The following PACRG variants were observed in gnomAD, a reference collection of about 807,000 sequenced individuals.
PACRG encodes parkin coregulated, also known as parkin coregulated gene protein.
In PACRG, 29 loss-of-function variants were observed where a neutral mutation model predicts 29.7. The ratio of observed to expected loss-of-function variants is 0.98; its 90% CI spans 0.73 to 1.33. PACRG has a LOEUF of 1.33. Among genes scored for constraint, PACRG ranks in the 40% most tolerant of loss-of-function variants. The pLI is 0.00. For missense variants in PACRG, 279 were observed against 316.2 expected (o/e 0.88, Z 0.89); for synonymous variants, 116 against 118.7 (o/e 0.98, Z 0.15).
At chr6:163,090,934 C>A (rs142169700) in intron 4 of PACRG, among the ~76,000 whole-genome samples, 1 of 152,190 alleles carries the variant, frequency 6.6e-6, no homozygotes, top group Non-Finnish European at 1.5e-5. Context: ...TGTACTATTA[C>A]TATTTCCATT....
At chr6:163,075,463 G>C (rs1376677136) in intron 3 of PACRG, among the ~76,000 whole-genome samples, 2 of 151,868 alleles carry the variant, frequency 1.3e-5, no homozygotes, top group Admixed American at 1.3e-4. Context: ...GAAACTTCCA[G>C]GACAATCTCA....
chr6:163,163,264 TTTG>T (rs746568590), intron 4 of PACRG, among the ~76,000 whole-genome samples: 7 of 152,232 alleles, frequency 4.6e-5, no homozygotes, highest in South Asian at 4.1e-4. Context: ...TTTGTTGTTT[TTTG>T]TTGTTGTTGT....
intron 1 of PACRG, among the ~76,000 whole-genome samples, chr6:162,758,477 C>T (rs73783798): frequency 0.022 from 3,283 of 152,268 alleles, 126 homozygotes; most frequent in African/African-American, 0.075. Flanking sequence ...GTTCCATCTT[C>T]AACCAGTTGC....
chr6:163,263,929 T>G (rs1783431641), intron 4 of PACRG, among the ~76,000 whole-genome samples: 1 of 152,202 alleles, frequency 6.6e-6, no homozygotes. Flanking sequence ...ACCATTTTTG[T>G]GCTTTTTTGT....
At chr6:162,914,266 C>T (rs1796527296) in intron 2 of PACRG, among the ~76,000 whole-genome samples, 1 of 151,878 alleles carries the variant, frequency 6.6e-6, no homozygotes, top group African/African-American at 2.4e-5. Context: ...TATTTTTTTC[C>T]ATACAGATAT....
intron 1 of PACRG, among the ~76,000 whole-genome samples, chr6:162,798,674 G>T (rs1214447360): frequency 6.6e-6 from 1 of 152,198 alleles, no homozygotes; most frequent in African/African-American, 2.4e-5. Flanking sequence ...AAAGGAGGCT[G>T]TGAAGTGGGG....
At chr6:163,031,449 T>C (rs986678680) in intron 2 of PACRG, among the ~76,000 whole-genome samples, 5 of 152,202 alleles carry the variant, frequency 3.3e-5, no homozygotes, top group African/African-American at 1.2e-4. Context: ...TAAGCACGGT[T>C]AGCCTAAATT....
intron 2 of PACRG, among the ~76,000 whole-genome samples, chr6:163,047,806 A>T (rs894970128): frequency 4.6e-5 from 7 of 152,118 alleles, no homozygotes; most frequent in African/African-American, 1.7e-4. Flanking sequence ...AGTCTACCCA[A>T]CCATAAGCAA....
rs71008121 is a variant in PACRG, at chr6:162,947,631, T to TAATC, written c.292-114518_292-114517insATCA. 3.2e-3 allele frequency among the ~76,000 whole-genome samples: 232 copies of TAATC among 71,538 alleles called. 13 individuals carry two copies. The highest frequency in any genetic ancestry group is 5.6e-3 in the Admixed American group (31 of 5,506). The allele number at this position is 71,538 out of a possible 152,430, so 46.9% of individuals were successfully genotyped here. On this transcript the variant is annotated intron_variant, in intron 2 of 4. Transcript: ENST00000366888. ...ATAATCATATATATATATATATATA[T>TAATC]ATATATATATATATATACACCCAAA... is the stretch of plus-strand genomic sequence containing the variant.
chr6:162,898,521 G>A (rs558654845), intron 2 of PACRG, among the ~76,000 whole-genome samples: 1 of 152,170 alleles, frequency 6.6e-6, no homozygotes, highest in African/African-American at 2.4e-5. Context: ...AAGTGCTGTG[G>A]TGATTATGAA....
At chr6:163,124,232 A>G (rs1275258600) in intron 4 of PACRG, among the ~76,000 whole-genome samples, 5 of 152,186 alleles carry the variant, frequency 3.3e-5, no homozygotes. Context: ...ATGTTCTCCC[A>G]TTGCATAGGT....
At chr6:162,965,354 A>C (rs753062852) in intron 2 of PACRG, among the ~76,000 whole-genome samples, 1 of 152,194 alleles carries the variant, frequency 6.6e-6, no homozygotes, top group Non-Finnish European at 1.5e-5. Context: ...TAAACTAGAT[A>C]TTTATAAGCA....
At position 162,753,547 on chromosome 6, in the gene PACRG, T is replaced by TA. The variant is rs556332236; in HGVS notation, c.156+25157dup. ...TCCATGTCTTGACTATTGTGAATGA[T>TA]ATGGTTTGGCTCTGTGTCCCCACCC... On this transcript the variant is annotated intron_variant, in intron 1 of 4. Transcript: ENST00000366888. Among the ~76,000 whole-genome samples, 138 of 152,274 alleles carry TA rather than the reference T, an allele frequency of 9.1e-4. 1 individual carries two copies. In the South Asian group the frequency reaches 0.026, roughly 29 times the overall value.
chr6:162,941,047 CAT>C lies in PACRG; in HGVS notation c.292-121102_292-121101del, dbSNP rs1491417134. ...GTGTTTGTATATGTGTGTGTTTGTG[CAT>C]GTGTGTGTGTGTGTGTGTTTGTGTG... On this transcript the variant is annotated intron_variant, in intron 2 of 4. Coordinates refer to ENST00000366888, the MANE Select transcript of PACRG (RefSeq NM_001080379.2). 1.7e-4 allele frequency among the ~76,000 whole-genome samples: 7 copies of C among 40,038 alleles called. No individual in the cohort carries two copies. In the South Asian group the frequency reaches 4.8e-3, roughly 28 times the overall value. 26.3% of individuals were successfully genotyped at this position (40,038 alleles called of 152,430 possible).
chr6:163,146,398 G>A (rs1006347853), intron 4 of PACRG, among the ~76,000 whole-genome samples: 3 of 152,184 alleles, frequency 2.0e-5, no homozygotes, highest in African/African-American at 7.2e-5. Flanking sequence ...CAGTCTAATG[G>A]CAAGGAAATT....
At chr6:162,765,842 T>G (rs910805334) in intron 1 of PACRG, among the ~76,000 whole-genome samples, 16 of 152,184 alleles carry the variant, frequency 1.1e-4, no homozygotes, top group African/African-American at 3.9e-4. Context: ...TATAACTATT[T>G]AATATTTTAT....
At chr6:163,206,978 T>A (rs1345044935) in intron 4 of PACRG, among the ~76,000 whole-genome samples, 2 of 152,256 alleles carry the variant, frequency 1.3e-5, no homozygotes, top group Non-Finnish European at 2.9e-5. Flanking sequence ...TTTATAAGTA[T>A]GTTCACTTTG....
At chr6:162,757,762 A>G (rs973263140) in intron 1 of PACRG, among the ~76,000 whole-genome samples, 2 of 152,156 alleles carry the variant, frequency 1.3e-5, no homozygotes, top group Non-Finnish European at 2.9e-5. Flanking sequence ...CTACACATGC[A>G]TGAGGAAGTA....
In PACRG at chr6:162,773,494, A is replaced by ATT. The variant is rs71008110; in HGVS notation, c.157-40623_157-40622dup. Among the ~76,000 whole-genome samples, 172 of 66,016 alleles carry ATT rather than the reference A, an allele frequency of 2.6e-3. 17 individuals carry two copies. The highest frequency in any genetic ancestry group is 5.2e-3 in the African/African-American group (80 of 15,374). 43.3% of individuals were successfully genotyped at this position (66,016 alleles called of 152,430 possible). A position where few individuals can be genotyped will look rare whatever the true frequency, so the allele number is the denominator to read the frequency against. ...ATATTTGGTATTTTTACAGCTTGTC[A>ATT]TTTTTTTTTTTTTTTTTTTTTTTTT... On this transcript the variant is annotated intron_variant, in intron 1 of 4. Coordinates refer to ENST00000366888, the MANE Select transcript of PACRG (RefSeq NM_001080379.2).
Sources: gnomAD v4.1 joint callset for allele counts (sites outside exome capture counted in the v4.1 genomes callset) on GRCh38, gnomAD v4.1.1 for gene constraint, MANE v1.5 for transcripts, NCBI Gene and HGNC (gene_info 2026-07-23, HGNC 2026-07-21) for gene names.